DNASE1L3: variants seen among roughly 807,000 people sequenced by gnomAD.
DNASE1L3 encodes deoxyribonuclease 1L3.
DNASE1L3 carries 27 observed loss-of-function variants against 30.9 expected under a neutral mutation model. The ratio of observed to expected loss-of-function variants is 0.87; its 90% CI spans 0.64 to 1.20. The LOEUF (loss-of-function observed/expected upper bound fraction) is 1.20. Ranked by LOEUF, DNASE1L3 falls within the 50% of genes most tolerant of loss-of-function variation. The probability of loss-of-function intolerance (pLI) is 0.00; values close to 1 mark genes in which losing one functional copy is unlikely to be tolerated. For synonymous variants in DNASE1L3, 135 were observed against 138.0 expected, an observed-to-expected ratio of 0.98 and a Z score of 0.15; for missense variants, 364 against 378.2, an observed-to-expected ratio of 0.96 and a Z score of 0.31.
At chr3:58,205,845 AC>A (rs1258798034) in intron 2 of DNASE1L3, among the ~76,000 whole-genome samples, 1 of 152,048 alleles carries the variant, frequency 6.6e-6, no homozygotes, top group Non-Finnish European at 1.5e-5. Context: ...CCTAGATCCA[AC>A]TCACCCCAAA....
chr3:58,197,853 C>T lies in DNASE1L3; in HGVS notation c.672G>A (p.Thr224=), dbSNP rs745705886. The change falls in exon 6 of 8, where the codon ACG becomes ACA. Residue 224 remains threonine (T), a synonymous_variant. Coordinates refer to ENST00000394549, the MANE Select transcript of DNASE1L3 (RefSeq NM_004944.4). The surrounding 1 kb of genome is among the most constrained non-coding windows in gnomAD (Gnocchi z 5.3). The part of the protein sequence containing the change: ...VWLIGDQEDT[T]VKKSTNCAYD... ...ATGCACAGTTGGTGCTCTTCTTCAC[C>T]GTGGTGTCCTCTTGGTCCCCGATCA... 1.1e-5 allele frequency: 18 copies of T among 1,614,016 alleles called. No homozygotes were observed. The highest frequency in any genetic ancestry group is 6.7e-5 in the East Asian group (3 of 44,900).
In DNASE1L3 at chr3:58,198,085, T is replaced by A. The variant is rs766477076; in HGVS notation, c.547-107A>T. 6.1e-5 allele frequency: 79 copies of A among 1,287,518 alleles called. 1 individual carries two copies. Among genetic ancestry groups the A allele is most frequent in the Non-Finnish European group, 8.1e-5 (77 of 948,842 alleles). 79.8% of individuals were successfully genotyped at this position (1,287,518 alleles called of 1,614,324 possible). ...GTCCCAGGCCCAGTAAACAACAGGGTCTGTTATGGGCTGAATCTTGTCTAC... is the reference window on the plus strand; with the variant it reads ...GTCCCAGGCCCAGTAAACAACAGGGACTGTTATGGGCTGAATCTTGTCTAC... On this transcript the variant is annotated intron_variant, in intron 5 of 7. Transcript: ENST00000394549.
intron 1 of DNASE1L3, 99 bp from the exon 2 acceptor site, chr3:58,208,405 C>T (rs1047600815): frequency 1.6e-6 from 2 of 1,237,884 alleles, no homozygotes; most frequent in African/African-American, 1.5e-5. Context: ...GCACTGAGTG[C>T]TTATTAAAAT....
chr3:58,205,446 T>A (rs2097403250), intron 3 of DNASE1L3, 25 bp downstream of exon 3: 1 of 1,594,776 alleles, frequency 6.3e-7, no homozygotes. Context: ...GTGGCCATGT[T>A]CCAGGGAGCA....
chr3:58,192,782 A>G lies in DNASE1L3; in HGVS notation c.823T>C (p.Phe275Leu). Reference protein sequence around the residue: ...EEEALDVSDHFPVEFKLQSSR... With the variant: ...EEEALDVSDHLPVEFKLQSSR... Reference sequence around the variant, plus strand: ...GACTGTAGTTTAAATTCAACTGGAAAGTGGTCGCTGACATCCAGGGCCTAT... The same window carrying G: ...GACTGTAGTTTAAATTCAACTGGAAGGTGGTCGCTGACATCCAGGGCCTAT... The change falls in exon 8 of 8, where the codon TTT (phenylalanine) becomes CTT (leucine). Residue 275 changes from phenylalanine (F) to leucine (L), a missense_variant. Coordinates refer to ENST00000394549, the MANE Select transcript of DNASE1L3 (RefSeq NM_004944.4). This position sits in a 1 kb window ranked among gnomAD's most constrained non-coding sequence, Gnocchi z 4.8. 1 of 1,614,078 alleles carries G rather than the reference A, an allele frequency of 6.2e-7. No individual in the cohort carries two copies. Among genetic ancestry groups the G allele is most frequent in the South Asian group, 1.1e-5 (1 of 91,060 alleles).
At chr3:58,206,610 G>A (rs546463397) in intron 2 of DNASE1L3, among the ~76,000 whole-genome samples, 1 of 152,242 alleles carries the variant, frequency 6.6e-6, no homozygotes, top group African/African-American at 2.4e-5. Flanking sequence ...TGGAGTCCGC[G>A]ACAGTCTAGA....
At chr3:58,208,473 G>A (rs2097405514) in intron 1 of DNASE1L3, among the ~76,000 whole-genome samples, 167 bp from the exon 2 acceptor site, 1 of 152,156 alleles carries the variant, frequency 6.6e-6, no homozygotes, top group Non-Finnish European at 1.5e-5. Flanking sequence ...CTTTTGTTAT[G>A]TACATTTTAA....
At chr3:58,205,427 G>A (rs995366434) in intron 3 of DNASE1L3, 44 bp downstream of exon 3, 3 of 1,527,704 alleles carry the variant, frequency 2.0e-6, no homozygotes, top group African/African-American at 1.4e-5. Context: ...TTCAATTCAC[G>A]ATTTATTGGT....
At position 58,192,868 on chromosome 3, in the gene DNASE1L3, G is replaced by A; in HGVS notation, c.802-65C>T. On this transcript the variant is annotated intron_variant, in intron 7 of 7. Transcript: ENST00000394549. The surrounding 1 kb of genome is among the most constrained non-coding windows in gnomAD (Gnocchi z 4.8). ...ATGCCTGGGAGATGCTTTCATTTTA[G>A]CGATGAGCAAATTTAGGACCAGGGA... 6.3e-7 allele frequency: 1 copy of A among 1,587,482 alleles called. No individual in the cohort carries two copies. The highest frequency in any genetic ancestry group is 8.5e-7 in the Non-Finnish European group (1 of 1,170,086).
In DNASE1L3 at chr3:58,208,302, A is replaced by G. The variant is rs1421746152; in HGVS notation, c.146T>C (p.Ile49Thr). ...CACGAGTATGATGTCACAGCGTTTG[A>G]TGACCTGCAAGAAAGAGAATTCCCA... The part of the protein sequence containing the change: ...KNAMDVIVKV[I>T]KRCDIILVME... Residue 49 changes from isoleucine to threonine, a missense_variant, in exon 2 of 8, where the codon ATC (isoleucine) becomes ACC (threonine). By Grantham distance (89) the Ile-to-Thr change is moderately conservative. Transcript: ENST00000394549. 1.2e-6 allele frequency: 2 copies of G among 1,614,086 alleles called. No individual in the cohort carries two copies. The highest frequency in any genetic ancestry group is 1.7e-6 in the Non-Finnish European group (2 of 1,180,024).
Position 58,201,025 on chromosome 3 carries a change from G to A in DNASE1L3, c.518C>T (p.Thr173Met), listed in dbSNP as rs747122870. The A allele has an allele frequency of 9.3e-6, 15 of 1,612,958 alleles. No individual in the cohort carries two copies. The highest frequency in any genetic ancestry group is 6.7e-5 in the East Asian group (3 of 44,854). The change falls in exon 5 of 8, where the codon ACG becomes ATG. Residue 173 changes from threonine (T) to methionine (M), a missense_variant. Thr to Met is a moderately conservative substitution (Grantham distance 81). Coordinates refer to ENST00000394549, the MANE Select transcript of DNASE1L3 (RefSeq NM_004944.4). ...CGCCTTCCAGCGGTGTTTCACGTCC[G>A]TGTAGACCTCAACCAACTCATCGAT... ...KEIDELVEVYTDVKHRWKAEN... is the reference protein window; with the variant it reads ...KEIDELVEVYMDVKHRWKAEN...
chr3:58,195,053 C>T (rs1446042161), intron 6 of DNASE1L3, among the ~76,000 whole-genome samples: 1 of 152,206 alleles, frequency 6.6e-6, no homozygotes, highest in Non-Finnish European at 1.5e-5. Flanking sequence ...TTTCTGACTT[C>T]TTCTAGGGAT....
rs1393109481 is a variant in DNASE1L3, at chr3:58,197,903, T to C, written c.622A>G (p.Arg208Gly). The change falls in exon 6 of 8, where the codon AGG (arginine) becomes GGG (glycine). Residue 208 changes from arginine (R) to glycine (G), a missense_variant. Physicochemically the swap from Arg to Gly is moderately radical, Grantham distance 125. Transcript: ENST00000394549. The surrounding 1 kb of genome is among the most constrained non-coding windows in gnomAD (Gnocchi z 5.3). ...AGCCAAACAAACCTGGGGTCAGTCC[T>C]CAAGCGGATGTTCTTCCAGGCCTTC... ...PKKAWKNIRL[R>G]TDPRFVWLIG... The C allele has an allele frequency of 6.2e-7, 1 of 1,614,212 alleles. No homozygotes were observed. Among genetic ancestry groups the C allele is most frequent in the Non-Finnish European group, 8.5e-7 (1 of 1,180,022 alleles).
At chr3:58,204,659 G>T in intron 4 of DNASE1L3, 110 bp downstream of exon 4, 1 of 813,130 alleles carries the variant, frequency 1.2e-6, no homozygotes, top group South Asian at 1.7e-5. Flanking sequence ...TAGAAGCAAT[G>T]CACTGTCACA....
chr3:58,201,199 A>C, intron 4 of DNASE1L3, 90 bp from the exon 5 acceptor site: 1 of 952,112 alleles, frequency 1.1e-6, no homozygotes. Flanking sequence ...TCCCCTCCAG[A>C]AGGCACAGGC....
At chr3:58,208,549 C>A (rs545312731) in intron 1 of DNASE1L3, among the ~76,000 whole-genome samples, 8 of 152,178 alleles carry the variant, frequency 5.3e-5, no homozygotes, top group African/African-American at 1.9e-4. Context: ...TAGAAAATGG[C>A]GGAGGCAGAA....
At chr3:58,208,394 TGC>T in intron 1 of DNASE1L3, 88 bp from the exon 2 acceptor site, 2 of 1,305,814 alleles carry the variant, frequency 1.5e-6, no homozygotes, top group Non-Finnish European at 2.2e-6. Flanking sequence ...TTTTAAGTAT[TGC>T]ACTGAGTGCT....
At position 58,192,753 on chromosome 3, in the gene DNASE1L3, T is replaced by C. The variant is rs759238109; in HGVS notation, c.852A>G (p.Ser284=). Residue 284 remains serine, a synonymous_variant, in exon 8 of 8, where the codon TCA becomes TCG. Coordinates refer to ENST00000394549, the MANE Select transcript of DNASE1L3 (RefSeq NM_004944.4). The surrounding 1 kb of genome is among the most constrained non-coding windows in gnomAD (Gnocchi z 4.8). ...ATTTTTTGCTGTTGGTGAAGGCCCTTGAAGACTGTAGTTTAAATTCAACTG... is the reference window on the plus strand; with the variant it reads ...ATTTTTTGCTGTTGGTGAAGGCCCTCGAAGACTGTAGTTTAAATTCAACTG... ...HFPVEFKLQS[S]RAFTNSKKSV... 8.7e-6 allele frequency: 14 copies of C among 1,614,030 alleles called. No individual in the cohort carries two copies. The highest frequency in any genetic ancestry group is 1.2e-5 in the Non-Finnish European group (14 of 1,180,022).
intron 6 of DNASE1L3, among the ~76,000 whole-genome samples, chr3:58,195,391 G>A (rs2097396608): frequency 6.6e-6 from 1 of 151,894 alleles, no homozygotes; most frequent in Admixed American, 6.6e-5. Flanking sequence ...TTGAACTCCT[G>A]GGCTCAAGTG....
Sources: gnomAD v4.1 joint callset for allele counts (sites outside exome capture counted in the v4.1 genomes callset) on GRCh38, gnomAD v4.1.1 for gene constraint, Gnocchi (gnomAD v3.1) non-coding constraint, MANE v1.5 for transcripts, NCBI Gene and HGNC (gene_info 2026-07-23, HGNC 2026-07-21) for gene names.